BIN3: variants seen among roughly 807,000 people sequenced by gnomAD.
BIN3 encodes bridging integrator 3.
In BIN3, 41 loss-of-function variants were observed where a neutral mutation model predicts 38.2. The ratio of observed to expected loss-of-function variants is 1.07; its 90% CI spans 0.84 to 1.39. BIN3 has a LOEUF of 1.39. Ranked by LOEUF, BIN3 falls within the 40% of genes most tolerant of loss-of-function variation. The pLI, the probability that BIN3 is intolerant of heterozygous loss-of-function variation, is 0.00. For missense variants in BIN3, 361 were observed against 324.3 expected (o/e 1.11, Z -0.87); for synonymous variants, 145 against 122.6 (o/e 1.18, Z -1.21).
chr8:22,635,347 C>G, intron 4 of BIN3, among the ~76,000 whole-genome samples: 1 of 152,156 alleles, frequency 6.6e-6, no homozygotes, highest in East Asian at 1.9e-4. Context: ...TGTTGAGTCT[C>G]TAGTGCTGAG....
chr8:22,640,466 G>C (rs1033053678), intron 2 of BIN3, among the ~76,000 whole-genome samples: 5 of 152,036 alleles, frequency 3.3e-5, no homozygotes, highest in Admixed American at 6.6e-5. Flanking sequence ...TGGGATTACA[G>C]GCATGAGCCA....
chr8:22,656,239 T>C (rs571826194), intron 1 of BIN3, among the ~76,000 whole-genome samples: 5,826 of 150,478 alleles, frequency 0.039, 140 homozygotes, highest in Middle Eastern at 0.068. Context: ...TTTTTTTTTT[T>C]CATATCCATC....
rs373810993 is a variant in BIN3, at chr8:22,632,705, CT to C, written c.161-2128del. On this transcript the variant is annotated intron_variant, in intron 4 of 8. Transcript: ENST00000276416. ...GCGAGGACACGGTCTTTCCACTTTC[CT>C]TTTTTTTTTTTTTTTCAGACGGAGT... Among the ~76,000 whole-genome samples the C allele has an allele frequency of 2.1e-3, 275 of 132,136 alleles. 2 individuals carry two copies. Among genetic ancestry groups the C allele is most frequent in the Middle Eastern group, 0.012 (3 of 254 alleles). The allele number at this position is 132,136 out of a possible 152,430, so 86.7% of individuals were successfully genotyped here.
chr8:22,666,517 T>C (rs1803425321), intron 1 of BIN3, among the ~76,000 whole-genome samples: 1 of 151,840 alleles, frequency 6.6e-6, no homozygotes, highest in Non-Finnish European at 1.5e-5. Context: ...TTCTTCCTAG[T>C]AGGACAGACC....
chr8:22,624,375 G>A lies in BIN3; in HGVS notation c.339-12C>T, dbSNP rs1241415914. 10 of 1,610,144 alleles carry A rather than the reference G, an allele frequency of 6.2e-6. No homozygotes were observed. The highest frequency in any genetic ancestry group is 7.6e-6 in the Non-Finnish European group (9 of 1,177,564). On this transcript the variant is annotated splice_polypyrimidine_tract_variant and intron_variant, in intron 6 of 8. Transcript: ENST00000276416. ...AGACACTGCCGAACCTGTGGGACAA[G>A]CTGGCTGGAGATGGGCCCGTTCTTG...
At position 22,624,356 on chromosome 8, in the gene BIN3, T is replaced by G. The variant is rs1422198733; in HGVS notation, c.346A>C (p.Ser116Arg). 1.2e-6 allele frequency: 2 copies of G among 1,612,278 alleles called. No homozygotes were observed. Among genetic ancestry groups the G allele is most frequent in the Admixed American group, 3.3e-5 (2 of 59,766 alleles). ...TVIEPLKKFGSVFPSLNMAVK... is the reference protein window; with the variant it reads ...TVIEPLKKFGRVFPSLNMAVK... Reference sequence around the variant, plus strand: ...GCCATGTTGAGGCTCGGGAAGACACTGCCGAACCTGTGGGACAAGCTGGCT... The same window carrying G: ...GCCATGTTGAGGCTCGGGAAGACACGGCCGAACCTGTGGGACAAGCTGGCT... The change falls in exon 7 of 9, where the codon AGT becomes CGT. Residue 116 changes from serine (S) to arginine (R), a missense_variant. By Grantham distance (110) the Ser-to-Arg change is moderately radical (BLOSUM62 -1). Coordinates refer to ENST00000276416, the MANE Select transcript of BIN3 (RefSeq NM_018688.6).
intron 6 of BIN3, chr8:22,625,447 A>AAG: frequency 2.8e-6 from 2 of 702,142 alleles, no homozygotes; most frequent in Non-Finnish European, 5.2e-6. Flanking sequence ...GAGAGGAGGA[A>AAG]AGACGAGGGC....
intron 1 of BIN3, among the ~76,000 whole-genome samples, chr8:22,661,010 G>C (rs746119388): frequency 9.9e-5 from 15 of 152,188 alleles, no homozygotes; most frequent in Non-Finnish European, 2.2e-4. Context: ...TCAGCCTGCT[G>C]AGTGCTGGGA....
At chr8:22,666,756 A>G (rs1803434290) in intron 1 of BIN3, among the ~76,000 whole-genome samples, 1 of 152,236 alleles carries the variant, frequency 6.6e-6, no homozygotes, top group African/African-American at 2.4e-5. Context: ...CTAGCCCAGA[A>G]CAATGGTTAC....
chr8:22,631,920 G>A (rs1448489103), intron 4 of BIN3, among the ~76,000 whole-genome samples: 1 of 152,210 alleles, frequency 6.6e-6, no homozygotes, highest in East Asian at 1.9e-4. Context: ...ACAAAATTCT[G>A]GAGGGGCAGG....
chr8:22,641,359 T>C (rs1296923487), intron 2 of BIN3, among the ~76,000 whole-genome samples: 4 of 152,202 alleles, frequency 2.6e-5, no homozygotes, highest in Non-Finnish European at 5.9e-5. Flanking sequence ...TGCTGTTCCC[T>C]GCTCTTTTGG....
At chr8:22,644,464 G>C (rs2117557455) in intron 2 of BIN3, 1 of 395,462 alleles carries the variant, frequency 2.5e-6, no homozygotes, top group Non-Finnish European at 4.8e-6. Flanking sequence ...CCAGTCCCTA[G>C]AGGTGGACCG....
intron 4 of BIN3, among the ~76,000 whole-genome samples, chr8:22,631,517 G>A (rs1403227488): frequency 6.6e-6 from 1 of 152,174 alleles, no homozygotes; most frequent in African/African-American, 2.4e-5. Flanking sequence ...CCATTTTAGC[G>A]AGGAGGCAGA....
rs375847183 is a variant in BIN3, at chr8:22,669,074, C to A, written c.-23G>T. On this transcript the variant is annotated 5_prime_UTR_variant, in exon 1 of 9. Coordinates refer to ENST00000276416, the MANE Select transcript of BIN3 (RefSeq NM_018688.6). ...CATGGTCCCGAACCTGCGTCTGCCG[C>A]CGGGGTCCTCAGCCACAACTCGTTT... The A allele has an allele frequency of 4.4e-6, 7 of 1,590,898 alleles. No homozygotes were observed. Among genetic ancestry groups the A allele is most frequent in the Non-Finnish European group, 6.0e-6 (7 of 1,169,116 alleles).
Position 22,630,404 on chromosome 8 carries a change from A to T in BIN3, c.297+38T>A, listed in dbSNP as rs369523953. The T allele has an allele frequency of 4.3e-6, 7 of 1,611,074 alleles. No individual in the cohort carries two copies. In the African/African-American group the frequency reaches 9.3e-5, roughly 22 times the overall value. ...CCACCCAGAGGCCCAGACCGGGCAG[A>T]AGTCATGCTTGCCCACCCCACACCA... On this transcript the variant is annotated intron_variant, in intron 5 of 8. Coordinates refer to ENST00000276416, the MANE Select transcript of BIN3 (RefSeq NM_018688.6).
intron 1 of BIN3, among the ~76,000 whole-genome samples, chr8:22,666,358 GGAGGA>G (rs1585209844): frequency 7.2e-6 from 1 of 138,796 alleles, no homozygotes; most frequent in Non-Finnish European, 1.6e-5. Flanking sequence ...GGGTGAGTGG[GGAGGA>G]GAGGAGAGAA....
chr8:22,637,010 G>A, intron 2 of BIN3, 48 bp from the exon 3 acceptor site: 2 of 1,563,042 alleles, frequency 1.3e-6, no homozygotes, highest in South Asian at 1.1e-5. Flanking sequence ...ACAACACGGT[G>A]GAAAAAACCT....
intron 1 of BIN3, among the ~76,000 whole-genome samples, chr8:22,658,116 C>T (rs1803116468): frequency 1.3e-5 from 2 of 152,294 alleles, no homozygotes; most frequent in South Asian, 2.1e-4. Context: ...CGCTCTCTGC[C>T]TCTGGAGTAG....
At chr8:22,626,987 A>G (rs1563945862) in intron 6 of BIN3, among the ~76,000 whole-genome samples, 1 of 152,148 alleles carries the variant, frequency 6.6e-6, no homozygotes, top group Non-Finnish European at 1.5e-5. Context: ...TGGTGTCTCC[A>G]GGTGGCCACC....
Sources: gnomAD v4.1 joint callset for allele counts (sites outside exome capture counted in the v4.1 genomes callset) on GRCh38, gnomAD v4.1.1 for gene constraint, MANE v1.5 for transcripts, NCBI Gene and HGNC (gene_info 2026-07-23, HGNC 2026-07-21) for gene names.